Variants in TPRG1 observed in about 807,000 individuals in gnomAD.
TPRG1 encodes tumor protein p63 regulated 1.
A neutral mutation model predicts 29.3 loss-of-function variants in TPRG1; 29 were observed. That is an observed-to-expected ratio of 0.99 (90% CI 0.74 to 1.35). TPRG1 has a LOEUF of 1.35. TPRG1 is among the 40% of genes most tolerant of loss of function. The pLI is 0.00. For missense variants in TPRG1, 327 were observed against 335.0 expected, an observed-to-expected ratio of 0.98 and a Z score of 0.19; for synonymous variants, 130 against 116.8, an observed-to-expected ratio of 1.11 and a Z score of -0.73.
chr3:189,002,279 A>G (rs1490009263), intron 2 of TPRG1, among the ~76,000 whole-genome samples: 2 of 150,180 alleles, frequency 1.3e-5, no homozygotes, highest in African/African-American at 5.0e-5. Flanking sequence ...ACAGAGGCCA[A>G]CATTCTCTTT....
intron 4 of TPRG1, among the ~76,000 whole-genome samples, chr3:189,273,309 A>G (rs1028821579): frequency 6.6e-6 from 1 of 152,302 alleles, no homozygotes; most frequent in East Asian, 1.9e-4. Context: ...CAATTCCAGT[A>G]TGATGTGGCA....
chr3:189,127,306 A>G (rs1337853086), intron 2 of TPRG1: 3 of 152,260 alleles, frequency 2.0e-5, no homozygotes, highest in Admixed American at 6.5e-5. Context: ...TTGAGGCCAC[A>G]AAACCATTAC....
At chr3:189,269,021 A>C (rs1178345407) in intron 4 of TPRG1, among the ~76,000 whole-genome samples, 4 of 151,990 alleles carry the variant, frequency 2.6e-5, no homozygotes, top group African/African-American at 9.7e-5. Flanking sequence ...GGATATTAAG[A>C]CTCAACAATT....
chr3:189,161,566 C>T (rs1396587275), intron 5 of TPRG1, among the ~76,000 whole-genome samples: 1 of 152,010 alleles, frequency 6.6e-6, no homozygotes, highest in Admixed American at 6.6e-5. Context: ...TCCCTCAGGC[C>T]CAAAAGCCTG....
intron 1 of TPRG1, among the ~76,000 whole-genome samples, chr3:189,108,532 GTT>G (rs11360407): frequency 2.8e-5 from 4 of 140,734 alleles, no homozygotes; most frequent in Admixed American, 7.1e-5. Context: ...TTTAGAACGT[GTT>G]TTTTTTTTTT....
chr3:189,184,594 G>C (rs938011499), intron 1 of TPRG1, among the ~76,000 whole-genome samples: 1 of 152,024 alleles, frequency 6.6e-6, no homozygotes, highest in Non-Finnish European at 1.5e-5. Flanking sequence ...AATTAAATGA[G>C]GCCAAATAAT....
At chr3:189,162,651 C>A (rs368990533) in intron 5 of TPRG1, among the ~76,000 whole-genome samples, 64 of 152,176 alleles carry the variant, frequency 4.2e-4, no homozygotes, top group African/African-American at 1.5e-3. Context: ...AGAAAGACAG[C>A]ATTTCATGTT....
intron 4 of TPRG1, among the ~76,000 whole-genome samples, chr3:189,307,910 A>G (rs990280085): frequency 6.6e-6 from 1 of 152,214 alleles, no homozygotes; most frequent in Non-Finnish European, 1.5e-5. Context: ...TCTTGGAATG[A>G]TAGGATAGTA....
intron 4 of TPRG1, among the ~76,000 whole-genome samples, chr3:189,296,917 CAG>C (rs1720028944): frequency 6.6e-6 from 1 of 152,158 alleles, no homozygotes; most frequent in African/African-American, 2.4e-5. Flanking sequence ...ATGATAGAAA[CAG>C]TGTCTGAATT....
intron 4 of TPRG1, among the ~76,000 whole-genome samples, chr3:189,050,381 A>G (rs1357677890): frequency 6.6e-6 from 1 of 152,236 alleles, no homozygotes; most frequent in Admixed American, 6.5e-5. Context: ...CCTAGCTTAA[A>G]TCAGGAAGAA....
intron 1 of TPRG1, among the ~76,000 whole-genome samples, chr3:189,206,957 A>G (rs946574080): frequency 2.6e-5 from 4 of 152,198 alleles, no homozygotes; most frequent in African/African-American, 7.2e-5. Context: ...CTTATGCTCT[A>G]TTATGACTCA....
At chr3:189,122,364 C>G (rs1280720996) in intron 1 of TPRG1, among the ~76,000 whole-genome samples, 1 of 152,200 alleles carries the variant, frequency 6.6e-6, no homozygotes, top group Non-Finnish European at 1.5e-5. Flanking sequence ...AATGACTTTT[C>G]TTGTGAAATC....
At chr3:189,152,871 A>G (rs1578560582) in intron 5 of TPRG1, among the ~76,000 whole-genome samples, 1 of 151,598 alleles carries the variant, frequency 6.6e-6, no homozygotes, top group African/African-American at 2.4e-5. Context: ...GCTACCTGCC[A>G]TTATTATTAA....
chr3:189,241,870 C>T (rs1740661468), intron 4 of TPRG1, among the ~76,000 whole-genome samples: 1 of 152,160 alleles, frequency 6.6e-6, no homozygotes, highest in Non-Finnish European at 1.5e-5. Context: ...TCTTCCCATC[C>T]ATGTGAAACT....
chr3:189,047,865 A>C (rs57143292), intron 4 of TPRG1, among the ~76,000 whole-genome samples: 2,854 of 152,232 alleles, frequency 0.019, 90 homozygotes, highest in African/African-American at 0.065. Flanking sequence ...TCCACTTCTC[A>C]TTCTAGTTAT....
intron 4 of TPRG1, among the ~76,000 whole-genome samples, chr3:189,149,837 C>T (rs1227696716): frequency 6.6e-6 from 1 of 152,126 alleles, no homozygotes; most frequent in African/African-American, 2.4e-5. Context: ...GAGCCCCCAT[C>T]TTTTCTTGGA....
chr3:189,312,167 TTC>T (rs1722725052), intron 5 of TPRG1, among the ~76,000 whole-genome samples: 1 of 73,740 alleles, frequency 1.4e-5, no homozygotes, highest in Non-Finnish European at 2.6e-5. Flanking sequence ...CTTTCTTTCT[TTC>T]TTTCTTTCTT....
intron 2 of TPRG1, among the ~76,000 whole-genome samples, chr3:189,129,088 T>G (rs915950791): frequency 6.6e-6 from 1 of 152,248 alleles, no homozygotes; most frequent in Non-Finnish European, 1.5e-5. Context: ...ACTTTAGTAC[T>G]ATTCACTAAA....
chr3:189,049,968 C>T (rs991378831), intron 4 of TPRG1, among the ~76,000 whole-genome samples: 48 of 152,248 alleles, frequency 3.2e-4, no homozygotes, highest in African/African-American at 1.2e-3. Flanking sequence ...TAAACACCTA[C>T]ATCAAAAAGC....
Sources: gnomAD v4.1 joint callset for allele counts (sites outside exome capture counted in the v4.1 genomes callset) on GRCh38, gnomAD v4.1.1 for gene constraint, MANE v1.5 for transcripts, NCBI Gene and HGNC (gene_info 2026-07-23, HGNC 2026-07-21) for gene names.